COPB1: variants seen among roughly 807,000 people sequenced by gnomAD.
COPB1 encodes coatomer subunit beta.
In COPB1, 21 loss-of-function variants were observed where a neutral mutation model predicts 108.7. The ratio of observed to expected loss-of-function variants is 0.19; its 90% CI spans 0.14 to 0.28. COPB1 has a LOEUF of 0.28. Among genes scored for constraint, COPB1 ranks in the 10% least tolerant of loss-of-function variants. COPB1 has a pLI of 1.00. For synonymous variants in COPB1, 378 were observed against 386.8 expected, an observed-to-expected ratio of 0.98 and a Z score of 0.27; for missense variants, 919 against 1,141.3, an observed-to-expected ratio of 0.81 and a Z score of 2.81.
chr11:14,474,642 C>G, intron 13 of COPB1, 27 bp from the exon 14 acceptor site: 7 of 1,611,392 alleles, frequency 4.3e-6, no homozygotes, highest in Non-Finnish European at 5.9e-6. Flanking sequence ...GAAAATCAAA[C>G]CCACCAACTT....
chr11:14,461,141 A>T (rs1289114200), intron 19 of COPB1, 45 bp downstream of exon 19: 5 of 1,611,808 alleles, frequency 3.1e-6, no homozygotes, highest in Non-Finnish European at 4.2e-6. Flanking sequence ...AGCAGGCAAA[A>T]GGAAGAAAGA....
At chr11:14,460,489 T>A (rs1172940396) in intron 19 of COPB1, among the ~76,000 whole-genome samples, 192 bp from the exon 20 acceptor site, 1 of 151,954 alleles carries the variant, frequency 6.6e-6, no homozygotes, top group African/African-American at 2.4e-5. Flanking sequence ...AGAGATAACT[T>A]CACAGAGATT....
intron 18 of COPB1, 40 bp from the exon 19 acceptor site, chr11:14,461,371 C>A (rs1257583460): frequency 6.3e-7 from 1 of 1,598,638 alleles, no homozygotes. Flanking sequence ...ATCACTGGGG[C>A]AAACTTGAAT....
intron 16 of COPB1, among the ~76,000 whole-genome samples, chr11:14,467,964 G>A (rs1165419072): frequency 6.6e-6 from 1 of 152,184 alleles, no homozygotes; most frequent in East Asian, 1.9e-4. Context: ...CAGTCCTGGA[G>A]ATGGCTGCAT....
chr11:14,457,991 T>A, intron 21 of COPB1, 108 bp from the exon 22 acceptor site: 1 of 572,120 alleles, frequency 1.7e-6, no homozygotes, highest in Non-Finnish European at 2.9e-6. Context: ...TTATCAACAA[T>A]AAAATCAAGG....
Position 14,466,414 on chromosome 11 carries a change from T to C in COPB1, c.2158A>G (p.Thr720Ala), listed in dbSNP as rs1850282376. ...GCATATACAGGATCTGAGAAACCTG[T>C]CAATTGGGTGACCTGTCAAAACAAA... The part of the protein sequence containing the change: ...ASKLNKVTQL[T>A]GFSDPVYAEA... The change falls in exon 17 of 22, where the codon ACA becomes GCA. Residue 720 changes from threonine to alanine, a missense_variant. Thr to Ala is a moderately conservative substitution (Grantham distance 58, BLOSUM62 0). Around this residue, in one of 5 missense-constraint regions of COPB1, gnomAD observed 705 missense variants for 817.8 expected, o/e 0.86. Transcript: ENST00000439561. 6.2e-7 allele frequency: 1 copy of C among 1,611,124 alleles called. No individual in the cohort carries two copies. The highest frequency in any genetic ancestry group is 1.3e-5 in the African/African-American group (1 of 74,970).
At position 14,479,653 on chromosome 11, in the gene COPB1, C is replaced by T; in HGVS notation, c.1274G>A (p.Arg425His). The T allele has an allele frequency of 1.2e-6, 2 of 1,611,778 alleles. No individual in the cohort carries two copies. Among genetic ancestry groups the T allele is most frequent in the Admixed American group, 1.7e-5 (1 of 59,808 alleles). ...AAAADVLEFV[R>H]EAIQRFDNLR... is the part of the protein sequence containing the mutation. Reference sequence around the variant, plus strand: ...GTTATCAAAGCGCTGAATGGCTTCACGAACAAACTCCAAGACATCAGCAGC... The same window carrying T: ...GTTATCAAAGCGCTGAATGGCTTCATGAACAAACTCCAAGACATCAGCAGC... The change falls in exon 11 of 22, where the codon CGT becomes CAT. Residue 425 changes from arginine to histidine, a missense_variant. Physicochemically the swap from Arg to His is conservative, Grantham distance 29 (BLOSUM62 0). Transcript: ENST00000439561.
chr11:14,468,379 T>C (rs1030159744), intron 16 of COPB1, among the ~76,000 whole-genome samples: 1 of 152,200 alleles, frequency 6.6e-6, no homozygotes, highest in Admixed American at 6.6e-5. Context: ...GCCAGGGCTG[T>C]TGCCTGTTCA....
intron 20 of COPB1, among the ~76,000 whole-genome samples, chr11:14,459,706 C>G (rs1305291775): frequency 6.7e-6 from 1 of 149,608 alleles, no homozygotes; most frequent in African/African-American, 2.5e-5. Flanking sequence ...ACCTCCACCC[C>G]CTGGGGTTCA....
At chr11:14,487,478 C>T (rs2134121472) in intron 6 of COPB1, among the ~76,000 whole-genome samples, 1 of 152,160 alleles carries the variant, frequency 6.6e-6, no homozygotes, top group African/African-American at 2.4e-5. Context: ...AGTTTGGGAC[C>T]AGCCTGGCCA....
chr11:14,458,399 TC>T (rs1400888835), intron 21 of COPB1, 132 bp downstream of exon 21: 2 of 845,588 alleles, frequency 2.4e-6, no homozygotes, highest in Non-Finnish European at 3.4e-6. Context: ...ATACTTCTAT[TC>T]AGAGTATATT....
intron 11 of COPB1, 70 bp downstream of exon 11, chr11:14,479,499 C>T (rs1428524883): frequency 3.5e-6 from 5 of 1,442,280 alleles, no homozygotes; most frequent in Admixed American, 2.2e-5. Flanking sequence ...TTTCTATCAA[C>T]TGACCCTTTA....
chr11:14,478,798 A>G (rs925965885), intron 11 of COPB1: 1 of 151,940 alleles, frequency 6.6e-6, no homozygotes, highest in Non-Finnish European at 1.5e-5. Context: ...GTCCTTAGTC[A>G]TCTTTCCCCT....
chr11:14,483,250 A>G (rs1850702551), intron 7 of COPB1, 99 bp from the exon 8 acceptor site: 1 of 661,252 alleles, frequency 1.5e-6, no homozygotes, highest in Non-Finnish European at 2.4e-6. Flanking sequence ...ACACACACAC[A>G]CACACACACT....
At chr11:14,476,689 T>C (rs1850527079) in intron 12 of COPB1, among the ~76,000 whole-genome samples, 1 of 152,036 alleles carries the variant, frequency 6.6e-6, no homozygotes, top group African/African-American at 2.4e-5. Flanking sequence ...ATAAATATTC[T>C]GAAGTCAGAC....
chr11:14,485,269 A>G (rs1850745612), intron 7 of COPB1, among the ~76,000 whole-genome samples: 1 of 151,574 alleles, frequency 6.6e-6, no homozygotes, highest in Non-Finnish European at 1.5e-5. Context: ...CGATCATCCC[A>G]CCTTGGCCTC....
In COPB1 at chr11:14,498,775, A is replaced by G. The variant is rs897404437; in HGVS notation, c.91+63T>C. The stretch of plus-strand genomic sequence containing the variant: ...TTCTAATTATAAAGGAATATGAAAT[A>G]TGAGTTTTTTATTTTTGTTTTTTCT... On this transcript the variant is annotated intron_variant, in intron 2 of 21. Coordinates refer to ENST00000439561, the MANE Select transcript of COPB1 (RefSeq NM_001144061.2). The G allele has an allele frequency of 4.1e-5, 53 of 1,297,922 alleles. No individual in the cohort carries two copies. The Middle Eastern group carries it at 1.0e-3, about 26-fold the overall frequency. 80.4% of individuals were successfully genotyped at this position (1,297,922 alleles called of 1,614,324 possible). A position where few individuals can be genotyped will look rare whatever the true frequency, so the allele number is the denominator to read the frequency against.
intron 4 of COPB1, among the ~76,000 whole-genome samples, chr11:14,491,627 C>T (rs1174841442): frequency 6.7e-6 from 1 of 149,290 alleles, no homozygotes; most frequent in African/African-American, 2.5e-5. Context: ...TGAGATCGTG[C>T]CATTGCACTC....
At chr11:14,487,257 T>C (rs1850793909) in intron 6 of COPB1, among the ~76,000 whole-genome samples, 1 of 152,198 alleles carries the variant, frequency 6.6e-6, no homozygotes, top group African/African-American at 2.4e-5. Flanking sequence ...CAAAACTCTA[T>C]TACATGGACA....
Sources: allele counts gnomAD v4.1 joint callset (sites outside exome capture counted in the v4.1 genomes callset), GRCh38; gene constraint gnomAD v4.1.1; regional missense constraint gnomAD v4.1.1; transcripts MANE v1.5; gene names NCBI Gene and HGNC (gene_info 2026-07-23, HGNC 2026-07-21).